Variants in CHLSN observed in about 807,000 individuals in gnomAD.
The protein encoded by CHLSN is cholesin, also known as protein cholesin.
chr7:1,020,023 A>T, the CHLSN span, among the ~76,000 whole-genome samples: 3 of 152,184 alleles, frequency 2.0e-5, no homozygotes, highest in Non-Finnish European at 1.5e-5. Flanking sequence ...AAGTCCAGCG[A>T]GGCGGCAGGT....
the CHLSN span, among the ~76,000 whole-genome samples, chr7:1,132,413 C>T: frequency 6.6e-6 from 1 of 152,112 alleles, no homozygotes; most frequent in African/African-American, 2.4e-5. Flanking sequence ...AAAACCCAGG[C>T]TAGGCACTGT....
At chr7:1,123,492 G>A in the CHLSN span, among the ~76,000 whole-genome samples, 6,052 of 152,132 alleles carry the variant, frequency 0.04, 303 homozygotes, top group African/African-American at 0.12. This position sits in a 1 kb window ranked among gnomAD's most constrained non-coding sequence, Gnocchi z 4.4. Flanking sequence ...GGGAAGCAGC[G>A]CAGTACTTTT....
chr7:1,083,700 C>T, the CHLSN span, among the ~76,000 whole-genome samples: 11 of 152,214 alleles, frequency 7.2e-5, no homozygotes, highest in East Asian at 1.9e-4. Flanking sequence ...CCTGAGCTTC[C>T]GTGCTCAGCA....
At chr7:1,027,762 G>A in the CHLSN span, among the ~76,000 whole-genome samples, 1 of 152,280 alleles carries the variant, frequency 6.6e-6, no homozygotes, top group African/African-American at 2.4e-5. Flanking sequence ...CCCCGGCACA[G>A]GGAGGGGCGA....
chr7:1,097,784 T>C, the CHLSN span, among the ~76,000 whole-genome samples: 3 of 152,120 alleles, frequency 2.0e-5, no homozygotes, highest in Non-Finnish European at 4.4e-5. This position sits in a 1 kb window ranked among gnomAD's most constrained non-coding sequence, Gnocchi z 4.3. Flanking sequence ...CCGGTCCAGA[T>C]GCTACACCCT....
At chr7:1,079,232 AC>A in the CHLSN span, among the ~76,000 whole-genome samples, 12 of 152,202 alleles carry the variant, frequency 7.9e-5, no homozygotes, top group African/African-American at 1.9e-4. Flanking sequence ...ACAGGGACAC[AC>A]CTGAGGCTGC....
the CHLSN span, among the ~76,000 whole-genome samples, chr7:1,064,992 G>A: frequency 3.3e-5 from 5 of 152,248 alleles, no homozygotes; most frequent in African/African-American, 7.2e-5. Context: ...AGCGTTCCCC[G>A]CTGTCCAACC....
At chr7:1,136,006 TAA>T in the CHLSN span, among the ~76,000 whole-genome samples, 2 of 115,872 alleles carry the variant, frequency 1.7e-5, no homozygotes, top group African/African-American at 3.8e-5. Context: ...AATATATATA[TAA>T]AATATATATG....
At chr7:983,006 C>CCGGCCCCACCAGGGCCT in the CHLSN span, among the ~76,000 whole-genome samples, 1 of 152,172 alleles carries the variant, frequency 6.6e-6, no homozygotes, top group Admixed American at 6.5e-5. Flanking sequence ...CCTCCCCTCC[C>CCGGCCCCACCAGGGCCT]CGGCCCCACC....
chr7:978,723 G>C, the CHLSN span, among the ~76,000 whole-genome samples: 1 of 152,220 alleles, frequency 6.6e-6, no homozygotes, highest in Non-Finnish European at 1.5e-5. Context: ...CAGACTCAAG[G>C]GGTCACAGCC....
the CHLSN span, among the ~76,000 whole-genome samples, chr7:991,064 C>T: frequency 4.6e-5 from 7 of 152,212 alleles, no homozygotes; most frequent in Middle Eastern, 6.8e-3. Context: ...CTCGGGCCCC[C>T]GCCTTACATT....
chr7:1,135,940 T>C, the CHLSN span, among the ~76,000 whole-genome samples: 6 of 118,144 alleles, frequency 5.1e-5, no homozygotes, highest in East Asian at 2.4e-4. Context: ...AATATATAAG[T>C]ATATATAAAT....
chr7:1,027,642 T>A, the CHLSN span, among the ~76,000 whole-genome samples: 1 of 152,316 alleles, frequency 6.6e-6, no homozygotes, highest in South Asian at 2.1e-4. Flanking sequence ...TCATCATGAG[T>A]CTTTGCTTTA....
the CHLSN span, among the ~76,000 whole-genome samples, chr7:1,121,472 C>T: frequency 6.6e-6 from 1 of 152,214 alleles, no homozygotes; most frequent in Admixed American, 6.5e-5. Flanking sequence ...ATTCTCAAGG[C>T]CATGAAGTTC....
the CHLSN span, among the ~76,000 whole-genome samples, chr7:1,014,306 A>G: frequency 6.6e-6 from 1 of 152,228 alleles, no homozygotes; most frequent in South Asian, 2.1e-4. Flanking sequence ...CATGAAAACT[A>G]TGTTTTTCCT....
chr7:1,000,139 T>C, the CHLSN span, among the ~76,000 whole-genome samples: 4 of 152,214 alleles, frequency 2.6e-5, no homozygotes, highest in Non-Finnish European at 5.9e-5. Flanking sequence ...GCTCATCTCT[T>C]AGAACAAAGG....
the CHLSN span, among the ~76,000 whole-genome samples, chr7:1,049,277 T>C: frequency 2.5e-3 from 388 of 152,338 alleles, 3 homozygotes; most frequent in African/African-American, 8.7e-3. Context: ...GCCCTTTATA[T>C]GTGGGGAGGA....
At chr7:1,012,864 G>A in the CHLSN span, among the ~76,000 whole-genome samples, 1 of 152,184 alleles carries the variant, frequency 6.6e-6, no homozygotes, top group Non-Finnish European at 1.5e-5. Flanking sequence ...GCCATCGGCC[G>A]CCCTATGCTC....
At chr7:1,021,425 C>T in the CHLSN span, 1 of 985,348 alleles carries the variant, frequency 1.0e-6, no homozygotes, top group Non-Finnish European at 1.2e-6. Context: ...AGGGCTCTGC[C>T]CAGCCTTCCT....
Sources: allele counts gnomAD v4.1 joint callset (sites outside exome capture counted in the v4.1 genomes callset), GRCh38; gene constraint gnomAD v4.1.1; non-coding constraint Gnocchi (gnomAD v3.1); transcripts MANE v1.5; gene names NCBI Gene and HGNC (gene_info 2026-07-23, HGNC 2026-07-21).